The following SNX13 variants were observed in gnomAD, a reference collection of about 807,000 sequenced individuals.
The protein encoded by SNX13 is sorting nexin-13.
SNX13 carries 45 observed loss-of-function variants against 133.6 expected under a neutral mutation model. The observed-to-expected ratio is 0.34, with a 90% CI of 0.27 to 0.43. The LOEUF is 0.43. Among genes scored for constraint, SNX13 ranks in the 20% least tolerant of loss-of-function variants. The pLI, the probability that SNX13 is intolerant of heterozygous loss-of-function variation, is 1.00. For missense variants in SNX13, 1,032 were observed against 1,145.1 expected (o/e 0.90, Z 1.43); for synonymous variants, 414 against 373.9 (o/e 1.11, Z -1.24).
chr7:17,851,366 T>TA (rs1791188383), intron 9 of SNX13, among the ~76,000 whole-genome samples: 1 of 152,096 alleles, frequency 6.6e-6, no homozygotes, highest in East Asian at 1.9e-4. Flanking sequence ...AACAGAAGAG[T>TA]AACACTCTCT....
intron 1 of SNX13, among the ~76,000 whole-genome samples, chr7:17,904,606 T>C (rs543752356): frequency 1.0e-3 from 156 of 152,326 alleles, no homozygotes; most frequent in African/African-American, 3.7e-3. Flanking sequence ...TCAATCTCAC[T>C]AGAATGGGGT....
intron 5 of SNX13, among the ~76,000 whole-genome samples, chr7:17,884,917 G>A (rs550188750): frequency 4.6e-5 from 7 of 152,126 alleles, no homozygotes; most frequent in Non-Finnish European, 7.4e-5. Context: ...TGGTGGAAAC[G>A]TAACAAAATA....
intron 13 of SNX13, among the ~76,000 whole-genome samples, chr7:17,837,733 C>CAGAT (rs1301629180): frequency 6.6e-6 from 1 of 151,780 alleles, no homozygotes; most frequent in African/African-American, 2.4e-5. Flanking sequence ...TTTAAATAGA[C>CAGAT]AGATAAACTT....
At chr7:17,937,009 AT>A (rs138268906) in intron 1 of SNX13, among the ~76,000 whole-genome samples, 17,667 of 145,240 alleles carry the variant, frequency 0.12, 1,229 homozygotes, top group Middle Eastern at 0.22. Context: ...ATTAAAAAAA[AT>A]AAAATAAAAT....
At chr7:17,797,707 G>T (rs1203041887) in intron 24 of SNX13, among the ~76,000 whole-genome samples, 1 of 151,736 alleles carries the variant, frequency 6.6e-6, no homozygotes, top group Non-Finnish European at 1.5e-5. Flanking sequence ...AGCTCTAGAG[G>T]TGATTCCAAT....
intron 9 of SNX13, among the ~76,000 whole-genome samples, chr7:17,851,418 T>C (rs566636142): frequency 1.7e-4 from 26 of 152,176 alleles, no homozygotes; most frequent in Admixed American, 3.9e-4. Context: ...TGTATAAAAA[T>C]AGAATAAAGG....
intron 1 of SNX13, among the ~76,000 whole-genome samples, chr7:17,927,262 A>G (rs569933278): frequency 6.6e-6 from 1 of 151,164 alleles, no homozygotes; most frequent in African/African-American, 2.4e-5. Context: ...TATATATTAG[A>G]AACAGTGTCT....
chr7:17,892,417 G>A (rs887958347), intron 3 of SNX13, among the ~76,000 whole-genome samples: 1 of 150,844 alleles, frequency 6.6e-6, no homozygotes, highest in African/African-American at 2.4e-5. Context: ...CCTATTCTCT[G>A]TATATGCCAC....
Position 17,802,279 on chromosome 7 carries a change from T to C in SNX13, c.2227-620A>G, listed in dbSNP as rs144479994. 3.3e-5 allele frequency among the ~76,000 whole-genome samples: 5 copies of C among 152,202 alleles called. No individual in the cohort carries two copies. In the East Asian group the frequency reaches 7.7e-4, roughly 24 times the overall value. ...GCCCGGTGACACATTTCTCAGAACA[T>C]ATCCCTGTTGTTAAGTGATGCACAT... On this transcript the variant is annotated intron_variant, in intron 21 of 25. Coordinates refer to ENST00000428135, the MANE Select transcript of SNX13 (RefSeq NM_015132.5).
rs750056631 is a variant in SNX13, at chr7:17,834,742, A to G, written c.1464+19T>C. The G allele has an allele frequency of 1.4e-6, 2 of 1,465,600 alleles. No homozygotes were observed. Among genetic ancestry groups the G allele is most frequent in the South Asian group, 2.4e-5 (2 of 84,104 alleles). 90.8% of individuals were successfully genotyped at this position (1,465,600 alleles called of 1,614,324 possible). A position where few individuals can be genotyped will look rare whatever the true frequency, so the allele number is the denominator to read the frequency against. ...TTTCTCAAAAAAGATAAAATGATAA[A>G]TGCTGTACATAATAATACCTTTCTT... On this transcript the variant is annotated intron_variant, in intron 14 of 25. Coordinates refer to ENST00000428135, the MANE Select transcript of SNX13 (RefSeq NM_015132.5).
intron 8 of SNX13, 103 bp downstream of exon 8, chr7:17,873,424 CT>C (rs887628408): frequency 2.0e-6 from 1 of 496,496 alleles, no homozygotes; most frequent in Non-Finnish European, 3.3e-6. Flanking sequence ...TCTTTGGAGT[CT>C]TCAATAATTT....
At chr7:17,832,788 T>C (rs1007553201) in intron 15 of SNX13, among the ~76,000 whole-genome samples, 2 of 151,460 alleles carry the variant, frequency 1.3e-5, no homozygotes, top group African/African-American at 2.4e-5. Flanking sequence ...AGAGTATTAA[T>C]TTAAAAACCC....
chr7:17,826,614 CTAATA>C (rs1357591529), intron 16 of SNX13, among the ~76,000 whole-genome samples: 1 of 151,838 alleles, frequency 6.6e-6, no homozygotes, highest in Non-Finnish European at 1.5e-5. Flanking sequence ...AGAAAACTGC[CTAATA>C]TAACAACTGT....
intron 22 of SNX13, among the ~76,000 whole-genome samples, chr7:17,801,014 A>ATATATATATATATATATATATATG (rs1784561102): frequency 2.3e-4 from 2 of 8,578 alleles, no homozygotes; most frequent in African/African-American, 6.3e-4. Context: ...CTGAACATAT[A>ATATATATATATATATATATATATG]TATATATATA....
At chr7:17,853,077 T>A (rs906210539) in intron 9 of SNX13, among the ~76,000 whole-genome samples, 1 of 152,030 alleles carries the variant, frequency 6.6e-6, no homozygotes, top group African/African-American at 2.4e-5. Context: ...CCAGGTAACA[T>A]AACAGGAAAA....
At chr7:17,895,498 T>G (rs572080378) in intron 2 of SNX13, among the ~76,000 whole-genome samples, 1 of 152,252 alleles carries the variant, frequency 6.6e-6, no homozygotes, top group South Asian at 2.1e-4. Flanking sequence ...GTTAAAAACT[T>G]AAGTTTTATT....
At position 17,796,933 on chromosome 7, in the gene SNX13, T is replaced by G; in HGVS notation, c.2520A>C (p.Ala840=). ...CTGCTAAAATGCCATTTGGCCAAAA[T>G]GCATCTCTATTTGAGAAGATTAAAT... ...VADSVKRFRD[A]FWPNGILAEA... Residue 840 remains alanine, a synonymous_variant, in exon 25 of 26, where the codon GCA becomes GCC. Transcript: ENST00000428135. 3.1e-6 allele frequency: 5 copies of G among 1,601,514 alleles called. No homozygotes were observed. The highest frequency in any genetic ancestry group is 4.3e-6 in the Non-Finnish European group (5 of 1,169,644).
Position 17,794,019 on chromosome 7 carries a change from G to A in SNX13, c.*26C>T, listed in dbSNP as rs370635692. The A allele has an allele frequency of 2.0e-5, 32 of 1,606,210 alleles. No individual in the cohort carries two copies. In the African/African-American group the frequency reaches 3.9e-4, roughly 20 times the overall value. ...CCATACCATTAGTCCTGGACAAAAT[G>A]AACACCAGCTTCATAGAGTGGAGTG... On this transcript the variant is annotated 3_prime_UTR_variant, in exon 26 of 26. Transcript: ENST00000428135.
chr7:17,843,702 G>GT (rs1790166810), intron 12 of SNX13, among the ~76,000 whole-genome samples: 1 of 151,894 alleles, frequency 6.6e-6, no homozygotes, highest in Non-Finnish European at 1.5e-5. Context: ...TTAAAAATGG[G>GT]TATCATGCAA....
Sources: gnomAD v4.1 joint callset for allele counts (sites outside exome capture counted in the v4.1 genomes callset) on GRCh38, gnomAD v4.1.1 for gene constraint, MANE v1.5 for transcripts, NCBI Gene and HGNC (gene_info 2026-07-23, HGNC 2026-07-21) for gene names.